The following CSMD2 variants were observed in gnomAD, a reference collection of about 807,000 sequenced individuals.
CSMD2 encodes CUB and Sushi multiple domains 2.
Under a neutral mutation model 398.5 loss-of-function variants are expected in CSMD2, and 130 were observed. The observed-to-expected ratio is 0.33, with a 90% CI of 0.28 to 0.38. The LOEUF is 0.38. Among genes scored for constraint, CSMD2 ranks in the 10% least tolerant of loss-of-function variants. The pLI is 1.00. For missense variants in CSMD2, 3,829 were observed against 4,764.9 expected (o/e 0.80, Z 5.78); for synonymous variants, 1,828 against 1,908.5 (o/e 0.96, Z 1.10).
intron 13 of CSMD2, among the ~76,000 whole-genome samples, chr1:33,749,171 C>T (rs1647836844): frequency 7.0e-6 from 1 of 143,318 alleles, no homozygotes; most frequent in Admixed American, 7.3e-5. Flanking sequence ...GATCTCGGCT[C>T]ACTGCAGGCT....
At chr1:34,089,327 G>A (rs919926170) in intron 1 of CSMD2, 134 bp from the exon 2 acceptor site, 55 of 802,544 alleles carry the variant, frequency 6.9e-5, no homozygotes, top group Non-Finnish European at 9.3e-5. Context: ...CCTGTACTTG[G>A]CACCGAGGGA....
At chr1:33,734,739 C>T (rs1646830155) in intron 15 of CSMD2, among the ~76,000 whole-genome samples, 1 of 150,120 alleles carries the variant, frequency 6.7e-6, no homozygotes, top group Non-Finnish European at 1.5e-5. Flanking sequence ...GAGCTGAGAT[C>T]ACACCACTGC....
intron 13 of CSMD2, 90 bp from the exon 14 acceptor site, chr1:33,743,696 T>A: frequency 1.1e-6 from 1 of 951,376 alleles, no homozygotes; most frequent in Non-Finnish European, 1.5e-6. Flanking sequence ...CTTCTTAGTC[T>A]AAAAAGCAAC....
At chr1:33,561,093 G>A (rs774539104) in intron 53 of CSMD2, among the ~76,000 whole-genome samples, 3 of 152,214 alleles carry the variant, frequency 2.0e-5, no homozygotes, top group Non-Finnish European at 4.4e-5. Flanking sequence ...AAATCCATGA[G>A]GATCCCACCT....
At chr1:33,554,471 G>A (rs1174232376) in intron 55 of CSMD2, among the ~76,000 whole-genome samples, 3 of 152,076 alleles carry the variant, frequency 2.0e-5, no homozygotes, top group Non-Finnish European at 2.9e-5. Flanking sequence ...GGGATTACAC[G>A]CATGAGCCAC....
chr1:33,647,883 GA>G (rs1557672217), intron 28 of CSMD2, among the ~76,000 whole-genome samples: 2 of 152,166 alleles, frequency 1.3e-5, no homozygotes, highest in Non-Finnish European at 2.9e-5. Flanking sequence ...AGTTGGAGAG[GA>G]AAAAAATTAA....
At position 33,819,761 on chromosome 1, in the gene CSMD2, C is replaced by G; in HGVS notation, c.1276G>C (p.Val426Leu). 1 of 1,614,120 alleles carries G rather than the reference C, an allele frequency of 6.2e-7. No individual in the cohort carries two copies. Among genetic ancestry groups the G allele is most frequent in the Non-Finnish European group, 8.5e-7 (1 of 1,180,022 alleles). The change falls in exon 9 of 71, where the codon GTG (valine) becomes CTG (leucine). Residue 426 changes from valine (V) to leucine (L), a missense_variant. Coordinates refer to ENST00000373381, the MANE Select transcript of CSMD2 (RefSeq NM_001281956.2). ...QGSKRITCMKVSDMFAAWSDH... is the reference protein window; with the variant it reads ...QGSKRITCMKLSDMFAAWSDH... ...CTCCAGGCCGCAAACATGTCGCTCA[C>G]TTTCATACAGGTGATCCGCTTGGAC...
At chr1:34,138,913 A>G (rs1253963140) in intron 1 of CSMD2, among the ~76,000 whole-genome samples, 1 of 152,110 alleles carries the variant, frequency 6.6e-6, no homozygotes, top group Non-Finnish European at 1.5e-5. Flanking sequence ...GATTTCAGTG[A>G]AATTTTATTT....
intron 5 of CSMD2, chr1:33,882,220 G>GA (rs1479534910): frequency 6.6e-6 from 1 of 152,240 alleles, no homozygotes; most frequent in East Asian, 1.9e-4. Context: ...TATGAATGGA[G>GA]AACTGGAGGC....
chr1:34,065,884 T>C (rs1287073200), intron 2 of CSMD2, among the ~76,000 whole-genome samples: 1 of 152,166 alleles, frequency 6.6e-6, no homozygotes, highest in Non-Finnish European at 1.5e-5. Context: ...GTGTGTATAT[T>C]ATGGGAGAGA....
At chr1:34,018,796 TG>T (rs1648485468) in intron 3 of CSMD2, among the ~76,000 whole-genome samples, 1 of 152,254 alleles carries the variant, frequency 6.6e-6, no homozygotes, top group Non-Finnish European at 1.5e-5. Context: ...TCAAGTCAGT[TG>T]TTTCTCTTCC....
intron 2 of CSMD2, among the ~76,000 whole-genome samples, chr1:34,070,800 T>C (rs941378150): frequency 3.3e-5 from 5 of 152,024 alleles, no homozygotes; most frequent in African/African-American, 1.2e-4. Context: ...TATCTCTGGA[T>C]GGTGAGGAAT....
At chr1:34,046,044 A>G (rs1490030371) in intron 2 of CSMD2, among the ~76,000 whole-genome samples, 1 of 152,270 alleles carries the variant, frequency 6.6e-6, no homozygotes, top group Non-Finnish European at 1.5e-5. Flanking sequence ...GTGGCACTTA[A>G]TATCTGCTGG....
chr1:33,799,964 T>C (rs901365247), intron 10 of CSMD2, among the ~76,000 whole-genome samples: 2 of 152,246 alleles, frequency 1.3e-5, no homozygotes, highest in African/African-American at 2.4e-5. Flanking sequence ...GTTTGCCAAC[T>C]CTTGAAACTG....
intron 5 of CSMD2, among the ~76,000 whole-genome samples, chr1:33,916,040 T>C (rs979721957): frequency 3.3e-5 from 5 of 152,312 alleles, no homozygotes; most frequent in African/African-American, 9.6e-5. Flanking sequence ...GAAATGAAAT[T>C]ATAGCTCTAA....
At chr1:33,882,309 A>C (rs1315186911) in intron 5 of CSMD2, 1 of 152,252 alleles carries the variant, frequency 6.6e-6, no homozygotes, top group Non-Finnish European at 1.5e-5. Flanking sequence ...GAGGTAATTG[A>C]GTCTGGAGGA....
chr1:33,633,006 T>C lies in CSMD2; in HGVS notation c.5200+416A>G, dbSNP rs1028573951. ...TGAATAAAATATGTAAACGTCGAAG[T>C]AGATACAAAGACTGGAAGGAAATCC... On this transcript the variant is annotated intron_variant, in intron 32 of 70. Transcript: ENST00000373381. This position sits in a 1 kb window ranked among gnomAD's most constrained non-coding sequence, Gnocchi z 5.0. Among the ~76,000 whole-genome samples, 1 of 152,208 alleles carries C rather than the reference T, an allele frequency of 6.6e-6. No individual in the cohort carries two copies.
chr1:33,709,318 C>T, intron 21 of CSMD2, 60 bp from the exon 22 acceptor site: 2 of 1,459,586 alleles, frequency 1.4e-6, no homozygotes, highest in Non-Finnish European at 1.9e-6. Flanking sequence ...CAGAAAGCAA[C>T]TCACAGCTCT....
chr1:33,525,105 C>T, intron 65 of CSMD2, 62 bp from the exon 66 acceptor site: 1 of 1,551,824 alleles, frequency 6.4e-7, no homozygotes, highest in Non-Finnish European at 8.8e-7. Context: ...ATTGGGGTAG[C>T]CTGATGACTG....
Sources: allele counts gnomAD v4.1 joint callset (sites outside exome capture counted in the v4.1 genomes callset), GRCh38; gene constraint gnomAD v4.1.1; non-coding constraint Gnocchi (gnomAD v3.1); transcripts MANE v1.5; gene names NCBI Gene and HGNC (gene_info 2026-07-23, HGNC 2026-07-21).